VEGFC: variants seen among roughly 807,000 people sequenced by gnomAD.
VEGFC encodes the protein FLT4 ligand DHM.
In VEGFC, 12 loss-of-function variants were observed where a neutral mutation model predicts 46.1. That is an observed-to-expected ratio of 0.26 (90% CI 0.17 to 0.42). VEGFC has a LOEUF of 0.42. Among genes scored for constraint, VEGFC ranks in the 10% least tolerant of loss-of-function variants. The pLI is 1.00. For synonymous variants in VEGFC, 232 were observed against 195.5 expected (o/e 1.19, Z -1.56); for missense variants, 488 against 529.4 (o/e 0.92, Z 0.77).
intron 1 of VEGFC, among the ~76,000 whole-genome samples, chr4:176,748,091 T>A (rs182296774): frequency 1.3e-5 from 2 of 152,222 alleles, no homozygotes; most frequent in African/African-American, 4.8e-5. Flanking sequence ...AATTTTACAC[T>A]ATGCCAAGAC....
intron 1 of VEGFC, among the ~76,000 whole-genome samples, chr4:176,788,074 T>C (rs1229089879): frequency 6.6e-6 from 1 of 152,224 alleles, no homozygotes; most frequent in Non-Finnish European, 1.5e-5. Context: ...AACTTAAATT[T>C]GTTCTTTCCA....
At chr4:176,715,842 A>G (rs1734690462) in intron 3 of VEGFC, among the ~76,000 whole-genome samples, 1 of 152,144 alleles carries the variant, frequency 6.6e-6, no homozygotes, top group Admixed American at 6.5e-5. Context: ...AATACATAAC[A>G]TTTTCAAATC....
chr4:176,712,031 C>T (rs971208785), intron 3 of VEGFC, among the ~76,000 whole-genome samples: 4 of 152,092 alleles, frequency 2.6e-5, no homozygotes, highest in African/African-American at 7.2e-5. Flanking sequence ...GTGTCACACA[C>T]AGAAACATCT....
intron 6 of VEGFC, among the ~76,000 whole-genome samples, chr4:176,685,089 G>T (rs557602178): frequency 5.7e-4 from 87 of 152,320 alleles, no homozygotes; most frequent in Non-Finnish European, 1.1e-3. Flanking sequence ...GTGGGAATAG[G>T]TGTAAAGGGA....
intron 4 of VEGFC, among the ~76,000 whole-genome samples, chr4:176,709,729 C>T (rs1734590037): frequency 6.6e-6 from 1 of 152,154 alleles, no homozygotes; most frequent in South Asian, 2.1e-4. Flanking sequence ...GAAATTTGTG[C>T]TCAGTTCTTT....
At chr4:176,719,156 AT>A (rs1371174193) in intron 3 of VEGFC, among the ~76,000 whole-genome samples, 3 of 152,146 alleles carry the variant, frequency 2.0e-5, no homozygotes, top group Non-Finnish European at 4.4e-5. Context: ...ATTGAGTCCC[AT>A]TTTAAAAAAG....
At position 176,792,147 on chromosome 4, in the gene VEGFC, A is replaced by T. The variant is rs757069815; in HGVS notation, c.147+18T>A. 6.9e-7 allele frequency: 1 copy of T among 1,451,938 alleles called. No homozygotes were observed. The highest frequency in any genetic ancestry group is 1.5e-5 in the South Asian group (1 of 66,922). 89.9% of individuals were successfully genotyped at this position (1,451,938 alleles called of 1,614,324 possible). ...ACGCAAACTCTCGGGTTCTCCGCAA[A>T]CCCTAACGCAGACCTACCGTGGCCT... On this transcript the variant is annotated intron_variant, in intron 1 of 6. Transcript: ENST00000618562. This position sits in a 1 kb window ranked among gnomAD's most constrained non-coding sequence, Gnocchi z 6.3.
At chr4:176,745,883 A>G (rs1390582161) in intron 1 of VEGFC, among the ~76,000 whole-genome samples, 1 of 152,090 alleles carries the variant, frequency 6.6e-6, no homozygotes, top group South Asian at 2.1e-4. Flanking sequence ...CTTCTTTTCT[A>G]TTACTGAGAG....
At chr4:176,720,999 T>C (rs1188644914) in intron 3 of VEGFC, among the ~76,000 whole-genome samples, 1 of 151,716 alleles carries the variant, frequency 6.6e-6, no homozygotes, top group African/African-American at 2.4e-5. Context: ...TAAGGATGAG[T>C]AGACATTAAC....
intron 1 of VEGFC, among the ~76,000 whole-genome samples, chr4:176,738,058 C>CA (rs1354199300): frequency 7.2e-5 from 11 of 151,880 alleles, no homozygotes; most frequent in Admixed American, 5.3e-4. Context: ...AGAGAGGACA[C>CA]AAGCAAATGG....
At chr4:176,727,560 T>C (rs1267145690) in intron 3 of VEGFC, among the ~76,000 whole-genome samples, 2 of 152,106 alleles carry the variant, frequency 1.3e-5, no homozygotes, top group African/African-American at 4.8e-5. Context: ...ATATGAAGAG[T>C]TTGCAAAGTA....
At chr4:176,788,725 A>C (rs2110958084) in intron 1 of VEGFC, among the ~76,000 whole-genome samples, 1 of 152,328 alleles carries the variant, frequency 6.6e-6, no homozygotes, top group East Asian at 1.9e-4. Flanking sequence ...GTTTCTACTG[A>C]ATGTCTATCG....
chr4:176,690,123 G>A (rs543347697), intron 4 of VEGFC, among the ~76,000 whole-genome samples: 11 of 152,246 alleles, frequency 7.2e-5, no homozygotes, highest in African/African-American at 2.4e-4. Flanking sequence ...GGATTTTAAT[G>A]TACTACTTTG....
At chr4:176,763,134 C>T (rs930422015) in intron 1 of VEGFC, among the ~76,000 whole-genome samples, 1 of 152,186 alleles carries the variant, frequency 6.6e-6, no homozygotes, top group Non-Finnish European at 1.5e-5. Context: ...CCAAAAATAC[C>T]TTTGAAAGTG....
At chr4:176,741,257 A>T (rs1735169939) in intron 1 of VEGFC, among the ~76,000 whole-genome samples, 1 of 151,966 alleles carries the variant, frequency 6.6e-6, no homozygotes, top group Non-Finnish European at 1.5e-5. Flanking sequence ...ACAGGAAAAA[A>T]ATGTTTGTGC....
intron 1 of VEGFC, among the ~76,000 whole-genome samples, chr4:176,772,948 C>G (rs1296415006): frequency 6.6e-6 from 1 of 152,180 alleles, no homozygotes; most frequent in Non-Finnish European, 1.5e-5. Context: ...ACGATACCTA[C>G]CCAAAGTACA....
intron 4 of VEGFC, among the ~76,000 whole-genome samples, chr4:176,692,191 G>C (rs1353256533): frequency 1.3e-5 from 2 of 150,402 alleles, no homozygotes; most frequent in Non-Finnish European, 2.9e-5. Context: ...TCAGGAGATC[G>C]AGACCATCCC....
At chr4:176,721,558 G>A (rs1048250889) in intron 3 of VEGFC, among the ~76,000 whole-genome samples, 2 of 152,202 alleles carry the variant, frequency 1.3e-5, no homozygotes, top group Non-Finnish European at 1.5e-5. Flanking sequence ...AGATCAGAGC[G>A]GGATTAGCAG....
In VEGFC at chr4:176,747,860, G is replaced by A. The variant is rs545627600; in HGVS notation, c.148-18114C>T. ...TTATAAGGAGGGAAGACAAATGAGG[G>A]TCAGGAAATAGGAGGAAGCTGGCTT... On this transcript the variant is annotated intron_variant, in intron 1 of 6. Coordinates refer to ENST00000618562, the MANE Select transcript of VEGFC (RefSeq NM_005429.5). Among the ~76,000 whole-genome samples the A allele has an allele frequency of 9.2e-5, 14 of 152,076 alleles. No homozygotes were observed. In the East Asian group the frequency reaches 2.7e-3, roughly 30 times the overall value.
Sources: allele counts gnomAD v4.1 joint callset (sites outside exome capture counted in the v4.1 genomes callset), GRCh38; gene constraint gnomAD v4.1.1; non-coding constraint Gnocchi (gnomAD v3.1); transcripts MANE v1.5; gene names NCBI Gene and HGNC (gene_info 2026-07-23, HGNC 2026-07-21).